RAB36: variants seen among roughly 807,000 people sequenced by gnomAD.
The protein encoded by RAB36 is ras-related protein Rab-36.
In RAB36, 33 loss-of-function variants were observed where a neutral mutation model predicts 39.3. The observed-to-expected ratio is 0.84, with a 90% CI of 0.64 to 1.12. RAB36 has a LOEUF of 1.12. RAB36 is among the 50% of genes most tolerant of loss of function. RAB36 has a pLI of 0.00. For missense variants in RAB36, 308 were observed against 355.3 expected (o/e 0.87, Z 1.07); for synonymous variants, 133 against 140.2 (o/e 0.95, Z 0.36).
In RAB36 at chr22:23,162,908, A is replaced by C; in HGVS notation, c.*1344A>C. 3.0e-6 allele frequency: 1 copy of C among 331,534 alleles called. No individual in the cohort carries two copies. Among genetic ancestry groups the C allele is most frequent in the Non-Finnish European group, 5.8e-6 (1 of 171,322 alleles). The allele number at this position is 331,534 out of a possible 1,614,324, so 20.5% of individuals were successfully genotyped here. A position where few individuals can be genotyped will look rare whatever the true frequency, so the allele number is the denominator to read the frequency against. ...ACATATTTTTTGTAGTTTTTTATAT[A>C]AATGACTTTTTTTTTTTTTTGAGAT... On this transcript the variant is annotated 3_prime_UTR_variant, in exon 11 of 11. Transcript: ENST00000263116.
intron 3 of RAB36, among the ~76,000 whole-genome samples, chr22:23,150,838 G>A (rs1408473460): frequency 6.6e-6 from 1 of 152,058 alleles, no homozygotes; most frequent in Non-Finnish European, 1.5e-5. Context: ...CCCTGGACTG[G>A]GGAGGGTACC....
At chr22:23,158,287 C>T (rs2071574917) in intron 7 of RAB36, among the ~76,000 whole-genome samples, 1 of 152,232 alleles carries the variant, frequency 6.6e-6, no homozygotes, top group East Asian at 1.9e-4. Context: ...CAGGCACGTG[C>T]TCAGAGGGGC....
At chr22:23,168,579 T>C (rs1184063082), downstream of RAB36, among the ~76,000 whole-genome samples, 1 of 152,200 alleles carries the variant, frequency 6.6e-6, no homozygotes, top group Non-Finnish European at 1.5e-5. Context: ...TCCTCTGCCA[T>C]CTGCTGTGGC....
At position 23,145,557 on chromosome 22, in the gene RAB36, T is replaced by G. The variant is rs769647298; in HGVS notation, c.-13+6T>G. The G allele has an allele frequency of 1.3e-6, 2 of 1,598,466 alleles. No individual in the cohort carries two copies. Among genetic ancestry groups the G allele is most frequent in the Non-Finnish European group, 1.7e-6 (2 of 1,178,254 alleles). On this transcript the variant is annotated splice_donor_region_variant and intron_variant, in intron 1 of 10. Transcript: ENST00000263116. ...AGCTTTCACAGCCATCGCTGGTGAG[T>G]CAGCTCGCCCACTCTGTCCGACCCT...
chr22:23,153,785 T>G (rs573055605), intron 5 of RAB36, among the ~76,000 whole-genome samples: 1 of 140,966 alleles, frequency 7.1e-6, no homozygotes, highest in Non-Finnish European at 1.5e-5. Context: ...CAACCTCCAC[T>G]TCAAGCGAAT....
At chr22:23,153,479 G>T in intron 5 of RAB36, 2 of 745,878 alleles carry the variant, frequency 2.7e-6, no homozygotes, top group Non-Finnish European at 3.3e-6. Context: ...GGCCAGCAGG[G>T]TGGCCTCCCG....
chr22:23,146,094 C>T (rs2070755216), intron 1 of RAB36: 2 of 897,794 alleles, frequency 2.2e-6, no homozygotes, highest in East Asian at 1.2e-4. Context: ...GGTCTTCTGA[C>T]TCCCAGGCAG....
intron 6 of RAB36, 29 bp downstream of exon 6, chr22:23,156,061 C>T (rs2071430756): frequency 6.3e-7 from 1 of 1,594,058 alleles, no homozygotes; most frequent in East Asian, 2.3e-5. Context: ...CGGGGCTCAA[C>T]TGCATGCAGC....
chr22:23,150,107 C>A lies in RAB36; in HGVS notation c.114C>A (p.His38Gln). Residue 38 changes from histidine to glutamine, a missense_variant, in exon 3 of 11, where the codon CAC (histidine) becomes CAA (glutamine). Coordinates refer to ENST00000263116, the MANE Select transcript of RAB36 (RefSeq NM_004914.5). ...GTTTGCAGCTCAGGGAGCACTTCCA[C>A]GGGCAGGTCAGCGCTGCCTGCCAAC... ...EACLQLREHF[H>Q]GQVSAACQRR... 3 of 1,612,508 alleles carry A rather than the reference C, an allele frequency of 1.9e-6. No individual in the cohort carries two copies. Among genetic ancestry groups the A allele is most frequent in the Non-Finnish European group, 2.5e-6 (3 of 1,179,426 alleles).
chr22:23,159,060 G>T (rs907729573), intron 8 of RAB36, 81 bp downstream of exon 8: 2 of 1,583,250 alleles, frequency 1.3e-6, no homozygotes, highest in Non-Finnish European at 1.7e-6. Context: ...GAGCCATGGG[G>T]AGGGAGGGAG....
rs372325173 is a variant in RAB36 at position 23,160,898 on chromosome 22, C to T, written c.639C>T (p.Phe213=). 25 of 1,613,710 alleles carry T rather than the reference C, an allele frequency of 1.5e-5. No individual in the cohort carries two copies. Among genetic ancestry groups the T allele is most frequent in the African/African-American group, 6.7e-5 (5 of 74,942 alleles). The change falls in exon 10 of 11, where the codon TTC becomes TTT. Residue 213 remains phenylalanine (F), a synonymous_variant. Coordinates refer to ENST00000263116, the MANE Select transcript of RAB36 (RefSeq NM_004914.5). ...CCACAGGCGAGAACGTGAAGGCATT[C>T]TTCAGCCGCGTAGCCGCCCTGGCAT... The part of the protein sequence containing the change: ...SAKTGENVKA[F]FSRVAALAFE...
At chr22:23,156,271 T>C in intron 6 of RAB36, 1 of 452,816 alleles carries the variant, frequency 2.2e-6, no homozygotes, top group Non-Finnish European at 4.1e-6. Flanking sequence ...GCTTTAAGTC[T>C]CAGCCCCAGT....
Position 23,163,803 on chromosome 22 carries a change from G to A in RAB36, c.*2239G>A, listed in dbSNP as rs1461076969. The A allele has an allele frequency of 6.6e-6, 1 of 152,230 alleles. No homozygotes were observed. Among genetic ancestry groups the A allele is most frequent in the African/African-American group, 2.4e-5 (1 of 41,462 alleles). The allele number at this position is 152,230 out of a possible 1,614,324, so 9.4% of individuals were successfully genotyped here. A position where few individuals can be genotyped will look rare whatever the true frequency, so the allele number is the denominator to read the frequency against. On this transcript the variant is annotated 3_prime_UTR_variant, in exon 11 of 11. Coordinates refer to ENST00000263116, the MANE Select transcript of RAB36 (RefSeq NM_004914.5). Reference sequence around the variant, plus strand: ...TTGTTTGTTGTTTTCACCAGAGTGAGCTCCTTCTGGACATACTGCCTGGCA... The same window carrying A: ...TTGTTTGTTGTTTTCACCAGAGTGAACTCCTTCTGGACATACTGCCTGGCA...
chr22:23,152,704 G>A (rs999887343), intron 4 of RAB36, among the ~76,000 whole-genome samples, 178 bp downstream of exon 4: 1 of 152,204 alleles, frequency 6.6e-6, no homozygotes, highest in African/African-American at 2.4e-5. Context: ...GAGATGGCAG[G>A]GCTGGGCAGA....
In RAB36 at chr22:23,159,015, TG is replaced by T. The variant is rs773502480; in HGVS notation, c.528+39del. On this transcript the variant is annotated intron_variant, in intron 8 of 10. Transcript: ENST00000263116. Reference sequence around the variant, plus strand: ...TGGCACTGGTGGTCTGGGTGGCCCTTGGGAAAATGCCTCCCCTTACAGCCCT... The same window carrying T: ...TGGCACTGGTGGTCTGGGTGGCCCTTGGAAAATGCCTCCCCTTACAGCCCT... 7.2e-5 allele frequency: 115 copies of T among 1,606,108 alleles called. 2 individuals are homozygous for T. The highest frequency in any genetic ancestry group is 1.2e-4 in the Admixed American group (7 of 59,904).
chr22:23,150,177 G>C (rs779116950), intron 3 of RAB36, 23 bp downstream of exon 3: 5 of 1,578,392 alleles, frequency 3.2e-6, no homozygotes, highest in Non-Finnish European at 4.3e-6. Context: ...GGTGTGGGAT[G>C]GGGGAGCAGG....
chr22:23,165,768 G>A (rs1181739382), downstream of RAB36, among the ~76,000 whole-genome samples: 1 of 152,150 alleles, frequency 6.6e-6, no homozygotes, highest in African/African-American at 2.4e-5. Flanking sequence ...AGTGGCAGGT[G>A]GTGTGGCTCT....
chr22:23,151,126 G>C (rs533702790), intron 3 of RAB36, among the ~76,000 whole-genome samples: 69 of 152,376 alleles, frequency 4.5e-4, no homozygotes, highest in African/African-American at 1.6e-3. Flanking sequence ...GGCTGCCAGA[G>C]AGCGCAGCTA....
chr22:23,148,505 A>G (rs1460897318), intron 2 of RAB36, among the ~76,000 whole-genome samples: 3 of 152,130 alleles, frequency 2.0e-5, no homozygotes, highest in Non-Finnish European at 4.4e-5. Flanking sequence ...CTGGCTCCAG[A>G]GCACCCTACC....
Sources: allele counts gnomAD v4.1 joint callset (sites outside exome capture counted in the v4.1 genomes callset), GRCh38; gene constraint gnomAD v4.1.1; transcripts MANE v1.5; gene names NCBI Gene and HGNC (gene_info 2026-07-23, HGNC 2026-07-21).